GLIS3: variants seen among roughly 807,000 people sequenced by gnomAD.
GLIS3 encodes the protein GLIS family zinc finger 3.
A neutral mutation model predicts 78.6 loss-of-function variants in GLIS3; 53 were observed. The ratio of observed to expected loss-of-function variants is 0.67; its 90% confidence interval spans 0.54 to 0.85. GLIS3 has a LOEUF of 0.85. Ranked by LOEUF, GLIS3 falls within the 40% of genes least tolerant of loss-of-function variation. GLIS3 has a pLI of 0.00. For synonymous variants in GLIS3, 684 were observed against 509.9 expected (o/e 1.34, Z -4.60); for missense variants, 1,703 against 1,231.1 (o/e 1.38, Z -5.74).
intron 4 of GLIS3, among the ~76,000 whole-genome samples, chr9:4,095,421 T>C (rs562824902): frequency 2.6e-5 from 4 of 152,328 alleles, no homozygotes; most frequent in East Asian, 1.9e-4. Context: ...AGTAAGTAGA[T>C]AGAGATTGAG....
chr9:4,075,542 C>G (rs189887387), intron 4 of GLIS3, among the ~76,000 whole-genome samples: 214 of 152,196 alleles, frequency 1.4e-3, no homozygotes, highest in Non-Finnish European at 1.6e-3. Context: ...TGCCACTGCA[C>G]TCCAGACTGG....
chr9:4,452,781 GC>G, the GLIS3 span, among the ~76,000 whole-genome samples: 1 of 151,534 alleles, frequency 6.6e-6, no homozygotes, highest in African/African-American at 2.4e-5. Context: ...TCCCCATCAA[GC>G]TGTTTTCTTT....
the GLIS3 span, among the ~76,000 whole-genome samples, chr9:4,457,677 C>T: frequency 2.0e-5 from 3 of 151,738 alleles, no homozygotes; most frequent in Non-Finnish European, 4.4e-5. Context: ...GAAACCCCAT[C>T]TCTACTAAAA....
chr9:4,151,798 T>C (rs1360828625), intron 2 of GLIS3, among the ~76,000 whole-genome samples: 2 of 152,142 alleles, frequency 1.3e-5, no homozygotes, highest in Non-Finnish European at 2.9e-5. Flanking sequence ...AGCATAATAA[T>C]CATCTGTTCC....
At chr9:3,942,402 C>A (rs1239647018) in intron 4 of GLIS3, among the ~76,000 whole-genome samples, 4 of 152,242 alleles carry the variant, frequency 2.6e-5, no homozygotes, top group East Asian at 3.9e-4. Flanking sequence ...CCACATACAA[C>A]CCAAAGAGAA....
chr9:4,094,163 G>C (rs928750410), intron 4 of GLIS3, among the ~76,000 whole-genome samples: 1 of 152,216 alleles, frequency 6.6e-6, no homozygotes, highest in African/African-American at 2.4e-5. Context: ...GAACATGGAA[G>C]AGAAGAGGAA....
intron 4 of GLIS3, among the ~76,000 whole-genome samples, chr9:4,048,528 C>T (rs891579240): frequency 4.6e-5 from 7 of 152,066 alleles, no homozygotes; most frequent in African/African-American, 1.7e-4. Context: ...GCTGGCTTAA[C>T]CACATTATGG....
intron 4 of GLIS3, among the ~76,000 whole-genome samples, chr9:4,101,993 T>G (rs2130803433): frequency 6.6e-6 from 1 of 152,328 alleles, no homozygotes; most frequent in African/African-American, 2.4e-5. Context: ...ATATTATGGT[T>G]TTAATATCAA....
intron 2 of GLIS3, among the ~76,000 whole-genome samples, chr9:4,239,436 A>T (rs1823090387): frequency 6.6e-6 from 1 of 152,114 alleles, no homozygotes; most frequent in Non-Finnish European, 1.5e-5. Flanking sequence ...CCAATGAACG[A>T]ACCTAGATTA....
chr9:4,272,773 G>A (rs143209691), intron 2 of GLIS3, among the ~76,000 whole-genome samples: 336 of 152,182 alleles, frequency 2.2e-3, no homozygotes, highest in African/African-American at 7.9e-3. Context: ...TGACTTGATC[G>A]GAAGGCTGTT....
intron 4 of GLIS3, among the ~76,000 whole-genome samples, chr9:3,948,077 C>G (rs557222884): frequency 2.0e-5 from 3 of 152,322 alleles, no homozygotes; most frequent in African/African-American, 7.2e-5. Flanking sequence ...CTCCATCGTC[C>G]TAGGATTGAC....
intron 4 of GLIS3, among the ~76,000 whole-genome samples, chr9:4,072,438 G>A (rs1023807303): frequency 6.6e-6 from 1 of 152,160 alleles, no homozygotes; most frequent in African/African-American, 2.4e-5. Context: ...ACTCTCCCAC[G>A]ACAATGGAAT....
At chr9:4,184,765 T>C (rs1007867945) in intron 2 of GLIS3, among the ~76,000 whole-genome samples, 3 of 152,170 alleles carry the variant, frequency 2.0e-5, no homozygotes, top group Non-Finnish European at 2.9e-5. Context: ...GTCTACAATA[T>C]ATTAAGTGCT....
intron 3 of GLIS3, among the ~76,000 whole-genome samples, chr9:4,124,190 T>G (rs947989971): frequency 6.6e-6 from 1 of 151,824 alleles, no homozygotes; most frequent in Non-Finnish European, 1.5e-5. Flanking sequence ...TTGCTCATCC[T>G]GAAAAAAAAA....
At chr9:3,947,806 TG>T (rs1485350881) in intron 4 of GLIS3, among the ~76,000 whole-genome samples, 1 of 152,172 alleles carries the variant, frequency 6.6e-6, no homozygotes, top group African/African-American at 2.4e-5. Context: ...CACTTTCAAA[TG>T]TAAAATTTCC....
At chr9:4,367,583 A>C in the GLIS3 span, among the ~76,000 whole-genome samples, 1 of 149,488 alleles carries the variant, frequency 6.7e-6, no homozygotes, top group East Asian at 1.9e-4. Flanking sequence ...GCAGTGAGCC[A>C]AGATCATGCC....
chr9:4,279,427 G>A (rs1196933069), intron 2 of GLIS3, among the ~76,000 whole-genome samples: 1 of 133,162 alleles, frequency 7.5e-6, no homozygotes, highest in African/African-American at 2.8e-5. Flanking sequence ...GAAACACAAA[G>A]AAAGGTAGAG....
chr9:4,473,986 A>G, the GLIS3 span, among the ~76,000 whole-genome samples: 1 of 151,476 alleles, frequency 6.6e-6, no homozygotes, highest in African/African-American at 2.4e-5. Flanking sequence ...CTCAAAATTC[A>G]TGAACCTGGT....
intron 2 of GLIS3, among the ~76,000 whole-genome samples, chr9:4,331,935 G>A (rs576868296): frequency 2.0e-5 from 3 of 152,222 alleles, no homozygotes; most frequent in South Asian, 4.1e-4. Flanking sequence ...TACAAGGGGT[G>A]GAATGGAAAG....
Sources: gnomAD v4.1 joint callset for allele counts (sites outside exome capture counted in the v4.1 genomes callset) on GRCh38, gnomAD v4.1.1 for gene constraint, MANE v1.5 for transcripts, NCBI Gene and HGNC (gene_info 2026-07-23, HGNC 2026-07-21) for gene names.